Variants in SAMD12 observed in about 807,000 individuals in gnomAD.
The protein encoded by SAMD12 is sterile alpha motif domain-containing protein 12.
Under a neutral mutation model 15.0 loss-of-function variants are expected in SAMD12, and 9 were observed. The observed-to-expected ratio is 0.60, with a 90% CI of 0.36 to 1.05. The LOEUF (loss-of-function observed/expected upper bound fraction) is 1.05. Ranked by LOEUF, SAMD12 falls within the 50% of genes least tolerant of loss-of-function variation. The pLI is 0.01. For missense variants in SAMD12, 230 were observed against 234.2 expected, an observed-to-expected ratio of 0.98 and a Z score of 0.12; for synonymous variants, 86 against 90.1, an observed-to-expected ratio of 0.96 and a Z score of 0.25.
intron 4 of SAMD12, among the ~76,000 whole-genome samples, chr8:118,312,991 G>T (rs1332271440): frequency 6.6e-6 from 1 of 152,088 alleles, no homozygotes; most frequent in East Asian, 1.9e-4. Flanking sequence ...AACCACATTG[G>T]TAGGGAGACA....
chr8:118,210,715 C>T (rs925271648), intron 4 of SAMD12, among the ~76,000 whole-genome samples: 3 of 152,312 alleles, frequency 2.0e-5, no homozygotes, highest in South Asian at 4.1e-4. Flanking sequence ...TTGTCTTACA[C>T]GGCCCTACCC....
At chr8:118,285,929 G>A (rs1813964078) in intron 4 of SAMD12, among the ~76,000 whole-genome samples, 3 of 152,046 alleles carry the variant, frequency 2.0e-5, no homozygotes, top group Admixed American at 2.0e-4. Flanking sequence ...CAGGGAGAAG[G>A]GGTGAACATA....
intron 2 of SAMD12, among the ~76,000 whole-genome samples, chr8:118,526,348 A>T (rs369240519): frequency 3.9e-5 from 6 of 152,252 alleles, no homozygotes; most frequent in East Asian, 3.9e-4. Context: ...AGAGTCACCA[A>T]GAAAACCAGG....
exon 5 of SAMD12, chr8:118,192,982 T>C (rs747692649): frequency 6.6e-6 from 1 of 152,226 alleles, no homozygotes; most frequent in Non-Finnish European, 1.5e-5. Context: ...CATTTTCTGC[T>C]GTTCCATGGA....
At chr8:118,243,566 G>A (rs926019925) in intron 4 of SAMD12, among the ~76,000 whole-genome samples, 5 of 152,060 alleles carry the variant, frequency 3.3e-5, no homozygotes, top group African/African-American at 1.2e-4. Context: ...TGCTGGCACG[G>A]GATATAACTG....
rs1295316205 is a variant in SAMD12 at position 118,379,960 on chromosome 8, A to G, written c.323-260T>C. Among the ~76,000 whole-genome samples, 3 of 152,084 alleles carry G rather than the reference A, an allele frequency of 2.0e-5. No individual in the cohort carries two copies. The East Asian group carries it at 5.8e-4, about 29-fold the overall frequency. ...CTCACACATTCAGTTAGAATGTGTG[A>G]CTCATACATTCAGTTAGATAAAATA... On this transcript the variant is annotated intron_variant, in intron 3 of 3. Transcript: ENST00000314727.
In SAMD12 at chr8:118,621,935, C is replaced by A. The variant is rs1458593567; in HGVS notation, c.-119G>T. 4.0e-6 allele frequency: 5 copies of A among 1,236,756 alleles called. No homozygotes were observed. Among genetic ancestry groups the A allele is most frequent in the Non-Finnish European group, 6.0e-6 (5 of 839,002 alleles). The allele number at this position is 1,236,756 out of a possible 1,614,324, so 76.6% of individuals were successfully genotyped here. A position where few individuals can be genotyped will look rare whatever the true frequency, so the allele number is the denominator to read the frequency against. The stretch of plus-strand genomic sequence containing the variant: ...ATTCTGCGCTTATCTGCTCCAGGAC[C>A]AACCTGCCGCGGTCACGCAAAGCGA... On this transcript the variant is annotated 5_prime_UTR_variant, in exon 1 of 4. Transcript: ENST00000314727.
At position 118,284,293 on chromosome 8, in the gene SAMD12, C is replaced by A. The variant is rs963576334; in HGVS notation, c.434-86561G>T. On this transcript the variant is annotated intron_variant, in intron 4 of 4. Coordinates refer to the SAMD12 transcript ENST00000409003. ...ACAGTTTGGGTGTGCACCTGGCTTGCAGCAGAACTGGCTGGGATGGCTTCA... is the reference window on the plus strand; with the variant it reads ...ACAGTTTGGGTGTGCACCTGGCTTGAAGCAGAACTGGCTGGGATGGCTTCA... The A allele has an allele frequency of 1.1e-5, 5 of 456,176 alleles. No individual in the cohort carries two copies. The Admixed American group carries it at 1.2e-4, about 11-fold the overall frequency. 28.3% of individuals were successfully genotyped at this position (456,176 alleles called of 1,614,324 possible).
At chr8:118,409,743 C>G (rs1378658216) in intron 3 of SAMD12, among the ~76,000 whole-genome samples, 1 of 151,952 alleles carries the variant, frequency 6.6e-6, no homozygotes, top group East Asian at 1.9e-4. Flanking sequence ...CTAGTTTTGA[C>G]TAAATTGGCT....
downstream of SAMD12, among the ~76,000 whole-genome samples, chr8:118,376,363 G>A (rs1332936462): frequency 6.6e-6 from 1 of 152,102 alleles, no homozygotes; most frequent in Non-Finnish European, 1.5e-5. Flanking sequence ...TGGTGATCAG[G>A]TCACGGGGGT....
intron 2 of SAMD12, among the ~76,000 whole-genome samples, chr8:118,510,123 A>G (rs1389239311): frequency 6.6e-6 from 1 of 152,120 alleles, no homozygotes; most frequent in Non-Finnish European, 1.5e-5. Context: ...CTAGGCTAAT[A>G]CTTTAGAATC....
chr8:118,178,451 A>G, the SAMD12 span, among the ~76,000 whole-genome samples: 1 of 152,104 alleles, frequency 6.6e-6, no homozygotes, highest in Non-Finnish European at 1.5e-5. Context: ...TTCAAACACT[A>G]GGTTTTTTTT....
intron 4 of SAMD12, among the ~76,000 whole-genome samples, chr8:118,229,943 C>T (rs964491066): frequency 1.3e-5 from 2 of 151,994 alleles, no homozygotes; most frequent in Non-Finnish European, 2.9e-5. Flanking sequence ...TACAACACCT[C>T]CTCCTGGGAT....
In SAMD12 at chr8:118,379,556, G is replaced by C. The variant is rs763259726; in HGVS notation, c.467C>G (p.Thr156Ser). ...CATCCACCCATCAGGAAGCAATAGG[G>C]TACCTTGTGTGAGTAACTGTAGATT... is the stretch of plus-strand genomic sequence containing the variant. Reference protein sequence around the residue: ...VRNLQLLTQGTLLLPDGWMDG... With the variant: ...VRNLQLLTQGSLLLPDGWMDG... The change falls in exon 4 of 4, where the codon ACC becomes AGC. Residue 156 changes from threonine (T) to serine (S), a missense_variant. Physicochemically the swap from Thr to Ser is moderately conservative, Grantham distance 58. Coordinates refer to ENST00000314727, the MANE Select transcript of SAMD12 (RefSeq NM_207506.3). 2 of 1,613,858 alleles carry C rather than the reference G, an allele frequency of 1.2e-6. No individual in the cohort carries two copies. The highest frequency in any genetic ancestry group is 1.7e-6 in the Non-Finnish European group (2 of 1,179,868).
At chr8:118,381,240 G>A (rs1204516595) in intron 3 of SAMD12, among the ~76,000 whole-genome samples, 1 of 152,142 alleles carries the variant, frequency 6.6e-6, no homozygotes, top group Non-Finnish European at 1.5e-5. Flanking sequence ...TGGGGGTGGA[G>A]GTCTGAAGAT....
intron 4 of SAMD12, among the ~76,000 whole-genome samples, chr8:118,212,779 A>T (rs1024172073): frequency 1.3e-5 from 2 of 152,234 alleles, no homozygotes; most frequent in Non-Finnish European, 2.9e-5. Context: ...AGTAATGAAG[A>T]TATGCACAAT....
At chr8:118,411,646 T>C (rs1207100194) in intron 3 of SAMD12, among the ~76,000 whole-genome samples, 2 of 152,202 alleles carry the variant, frequency 1.3e-5, no homozygotes, top group African/African-American at 4.8e-5. Flanking sequence ...TGTTTCTTTG[T>C]CTAATAGAGT....
In SAMD12 at chr8:118,430,016, C is replaced by T. The variant is rs150427928; in HGVS notation, c.322+9816G>A. Among the ~76,000 whole-genome samples the T allele has an allele frequency of 2.6e-3, 403 of 152,274 alleles. 1 individual carries two copies. Among genetic ancestry groups the T allele is most frequent in the Non-Finnish European group, 4.2e-3 (284 of 68,006 alleles). On this transcript the variant is annotated intron_variant, in intron 3 of 3. Coordinates refer to ENST00000314727, the MANE Select transcript of SAMD12 (RefSeq NM_207506.3). ...GTTACCTGTACGTTCACCATAAATGCTGTTTATCAAGATTTCTGTTATTTC... is the reference window on the plus strand; with the variant it reads ...GTTACCTGTACGTTCACCATAAATGTTGTTTATCAAGATTTCTGTTATTTC...
At position 118,505,500 on chromosome 8, in the gene SAMD12, A is replaced by C. The variant is rs1824897941; in HGVS notation, c.193-65539T>G. Among the ~76,000 whole-genome samples the C allele has an allele frequency of 3.3e-5, 5 of 152,070 alleles. No homozygotes were observed. In the South Asian group the frequency reaches 1.0e-3, roughly 32 times the overall value. ...TTTGGAAAGCAGGCAGACTCTTCTG[A>C]AAGTCACCTTTGGCTCTTGGGTCTC... On this transcript the variant is annotated intron_variant, in intron 2 of 3. Coordinates refer to ENST00000314727, the MANE Select transcript of SAMD12 (RefSeq NM_207506.3).
Sources: allele counts gnomAD v4.1 joint callset (sites outside exome capture counted in the v4.1 genomes callset), GRCh38; gene constraint gnomAD v4.1.1; transcripts MANE v1.5; gene names NCBI Gene and HGNC (gene_info 2026-07-23, HGNC 2026-07-21).